Variants in PDE4D observed in about 807,000 individuals in gnomAD.
PDE4D encodes 3',5'-cyclic-AMP phosphodiesterase 4D.
A neutral mutation model predicts 87.4 loss-of-function variants in PDE4D; 24 were observed. The observed-to-expected ratio is 0.27, with a 90% CI of 0.20 to 0.39. The LOEUF (loss-of-function observed/expected upper bound fraction) is 0.39, where lower values mean the gene tolerates loss of function less well. Among genes scored for constraint, PDE4D ranks in the 10% least tolerant of loss-of-function variants. The pLI is 1.00. For synonymous variants in PDE4D, 384 were observed against 383.2 expected (o/e 1.00, Z -0.02); for missense variants, 714 against 1,041.0 (o/e 0.69, Z 4.32).
chr5:60,459,972 ATCT>A (rs1486796567), intron 1 of PDE4D: 16 of 793,524 alleles, frequency 2.0e-5, no homozygotes, highest in African/African-American at 3.4e-5. Context: ...CATCATCATC[ATCT>A]TCTTCTCATT....
intron 5 of PDE4D, among the ~76,000 whole-genome samples, chr5:59,169,673 A>G (rs1187263453): frequency 2.0e-5 from 3 of 152,164 alleles, no homozygotes; most frequent in Non-Finnish European, 4.4e-5. Flanking sequence ...GTCACTATAT[A>G]TACTTTCCAG....
chr5:60,306,304 C>A (rs1428155668), intron 1 of PDE4D, among the ~76,000 whole-genome samples: 1 of 151,830 alleles, frequency 6.6e-6, no homozygotes, highest in Non-Finnish European at 1.5e-5. Context: ...TATATAAAAT[C>A]TAATGATGTG....
chr5:59,343,674 T>C (rs879298496), intron 1 of PDE4D, among the ~76,000 whole-genome samples: 2 of 152,232 alleles, frequency 1.3e-5, no homozygotes, highest in Non-Finnish European at 2.9e-5. Flanking sequence ...ATTTCATGAA[T>C]GCATGCTTGA....
At chr5:60,250,797 TA>T (rs934795237) in intron 1 of PDE4D, among the ~76,000 whole-genome samples, 12 of 152,004 alleles carry the variant, frequency 7.9e-5, no homozygotes, top group African/African-American at 2.4e-4. Context: ...TTCTACTTAT[TA>T]AAAAAATAGT....
At chr5:60,030,462 AC>A (rs1767129745) in intron 2 of PDE4D, among the ~76,000 whole-genome samples, 2 of 152,122 alleles carry the variant, frequency 1.3e-5, no homozygotes, top group Non-Finnish European at 2.9e-5. Context: ...GTCTCAAAAA[AC>A]AAAAAAACAA....
chr5:59,344,685 A>G (rs373745058), intron 1 of PDE4D, among the ~76,000 whole-genome samples: 11 of 152,232 alleles, frequency 7.2e-5, no homozygotes, highest in African/African-American at 2.6e-4. Context: ...AGGGTAAACC[A>G]CTGTGCCCCA....
intron 3 of PDE4D, among the ~76,000 whole-genome samples, chr5:59,918,470 A>T (rs1344865943): frequency 1.3e-5 from 2 of 152,184 alleles, no homozygotes; most frequent in Non-Finnish European, 2.9e-5. Flanking sequence ...CTCATCTTGA[A>T]TATGGGCAGG....
chr5:59,235,957 T>C (rs189837180), intron 1 of PDE4D, among the ~76,000 whole-genome samples: 1 of 152,338 alleles, frequency 6.6e-6, no homozygotes, highest in African/African-American at 2.4e-5. Context: ...GGATTCCCAC[T>C]TGATATTCTG....
intron 1 of PDE4D, among the ~76,000 whole-genome samples, chr5:59,376,436 C>A (rs1784747954): frequency 6.6e-6 from 1 of 152,018 alleles, no homozygotes; most frequent in Admixed American, 6.6e-5. Context: ...CATTCACAAT[C>A]ACCACAAAAA....
chr5:59,459,241 A>G (rs1329737440), intron 1 of PDE4D, among the ~76,000 whole-genome samples: 1 of 152,206 alleles, frequency 6.6e-6, no homozygotes, highest in Non-Finnish European at 1.5e-5. Flanking sequence ...TTATGTACTG[A>G]AAAAACCAGG....
At chr5:59,615,374 T>G (rs1205762510) in intron 1 of PDE4D, among the ~76,000 whole-genome samples, 1 of 152,188 alleles carries the variant, frequency 6.6e-6, no homozygotes, top group Non-Finnish European at 1.5e-5. Flanking sequence ...TCTTAAACTT[T>G]AAGGATTCTT....
chr5:59,295,477 T>C (rs1397085748), intron 1 of PDE4D, among the ~76,000 whole-genome samples: 3 of 152,126 alleles, frequency 2.0e-5, no homozygotes, highest in African/African-American at 7.2e-5. Context: ...AACCTCCTAC[T>C]GTTCTTCTAG....
chr5:60,349,288 C>T (rs183181436), intron 1 of PDE4D, among the ~76,000 whole-genome samples: 1 of 152,196 alleles, frequency 6.6e-6, no homozygotes, highest in East Asian at 1.9e-4. Flanking sequence ...TGAAATAAAA[C>T]TAATGTAATT....
intron 1 of PDE4D, among the ~76,000 whole-genome samples, chr5:59,248,041 G>GCAAAAAAA (rs1561805685): frequency 2.1e-5 from 1 of 47,854 alleles, no homozygotes; most frequent in Non-Finnish European, 4.0e-5. Context: ...GTATCTATTA[G>GCAAAAAAA]TAAAAAAAAA....
intron 1 of PDE4D, among the ~76,000 whole-genome samples, chr5:59,348,425 T>C (rs907838360): frequency 1.4e-5 from 2 of 146,282 alleles, no homozygotes; most frequent in Admixed American, 1.4e-4. Context: ...CAGCAAATAC[T>C]ACAAATAGTG....
At chr5:59,079,354 C>G (rs938606136) in intron 5 of PDE4D, among the ~76,000 whole-genome samples, 2 of 152,162 alleles carry the variant, frequency 1.3e-5, no homozygotes, top group East Asian at 3.9e-4. Context: ...TAAGAAAAAG[C>G]ATGCATAATT....
At chr5:60,386,010 G>C (rs1292556844) in intron 1 of PDE4D, among the ~76,000 whole-genome samples, 1 of 151,952 alleles carries the variant, frequency 6.6e-6, no homozygotes, top group South Asian at 2.1e-4. Context: ...AACAAGAAAG[G>C]ACTCTGCATA....
intron 1 of PDE4D, among the ~76,000 whole-genome samples, chr5:59,372,104 T>C (rs1784025176): frequency 6.6e-6 from 1 of 152,208 alleles, no homozygotes; most frequent in Non-Finnish European, 1.5e-5. Flanking sequence ...TCTGTTTTGT[T>C]CCAGAAAGGA....
intron 1 of PDE4D, among the ~76,000 whole-genome samples, chr5:59,221,813 C>A (rs935820577): frequency 1.3e-5 from 2 of 152,140 alleles, no homozygotes; most frequent in African/African-American, 4.8e-5. Context: ...TGCAAAAGGG[C>A]TTAGCAAATG....
Sources: allele counts gnomAD v4.1 joint callset (sites outside exome capture counted in the v4.1 genomes callset), GRCh38; gene constraint gnomAD v4.1.1; transcripts MANE v1.5; gene names NCBI Gene and HGNC (gene_info 2026-07-23, HGNC 2026-07-21).